The following SPRY3 variants were observed in gnomAD, a reference collection of about 807,000 sequenced individuals.
The protein encoded by SPRY3 is protein sprouty homolog 3.
Under a neutral mutation model 20.2 loss-of-function variants are expected in SPRY3, and 15 were observed. The observed-to-expected ratio is 0.74, with a 90% CI of 0.50 to 1.14. The LOEUF is 1.14. SPRY3 is among the 50% of genes most tolerant of loss of function. The pLI is 0.00. For missense variants in SPRY3, 364 were observed against 363.9 expected (o/e 1.00, Z 0.00); for synonymous variants, 143 against 136.5 (o/e 1.05, Z -0.33).
intron 1 of SPRY3, among the ~76,000 whole-genome samples, chrX:155,621,634 C>T (rs920990896): frequency 8.9e-6 from 1 of 111,739 alleles, no homozygotes; most frequent in Admixed American, 9.5e-5. Context: ...GGCCAAGTTA[C>T]CAAATGATGT....
chrX:155,614,754 CCT>C (rs1188678786), intron 1 of SPRY3, among the ~76,000 whole-genome samples: 1 of 110,783 alleles, frequency 9.0e-6, no homozygotes, highest in Admixed American at 9.6e-5. Context: ...TTTACTGTTT[CCT>C]CTCTCTGTGT....
At position 155,736,159 on chromosome X, in the gene SPRY3, C is replaced by A. The variant is rs1159201860; in HGVS notation, c.-281-31803C>A. On this transcript the variant is annotated intron_variant, in intron 2 of 3. Transcript: ENST00000675360. ...GTCATATATTTCACTTATTCATAAG[C>A]GATATCCAACATATCATTGCTCTTA... Among the ~76,000 whole-genome samples, 3 of 152,046 alleles carry A rather than the reference C, an allele frequency of 2.0e-5. No homozygotes were observed. The South Asian group carries it at 6.2e-4, about 32-fold the overall frequency.
chrX:155,723,019 G>C (rs1231658780), intron 2 of SPRY3, among the ~76,000 whole-genome samples: 1 of 150,950 alleles, frequency 6.6e-6, no homozygotes, highest in African/African-American at 2.4e-5. Flanking sequence ...ACCTATGAGT[G>C]AGAACATGCA....
chrX:155,695,545 C>T (rs958990628), intron 2 of SPRY3, among the ~76,000 whole-genome samples: 4 of 110,726 alleles, frequency 3.6e-5, no homozygotes, highest in African/African-American at 1.3e-4. Context: ...AATTTCTTTA[C>T]ATATTTTTCT....
At chrX:155,741,583 A>T (rs1192870829) in intron 2 of SPRY3, among the ~76,000 whole-genome samples, 3 of 152,060 alleles carry the variant, frequency 2.0e-5, no homozygotes, top group Non-Finnish European at 4.4e-5. Flanking sequence ...TGAGAGAAAA[A>T]ATGTAAAGGA....
intron 2 of SPRY3, among the ~76,000 whole-genome samples, chrX:155,705,792 G>T (rs956876619): frequency 2.0e-5 from 3 of 151,154 alleles, no homozygotes; most frequent in South Asian, 2.1e-4. Context: ...ATGATGAAGG[G>T]ATCAACTCTC....
intron 2 of SPRY3, among the ~76,000 whole-genome samples, chrX:155,659,700 C>A (rs1557353469): frequency 9.0e-6 from 1 of 111,461 alleles, no homozygotes; most frequent in African/African-American, 3.3e-5. Context: ...ACTGATTCAT[C>A]TTCACTACTG....
chrX:155,753,702 A>G (rs886192457), intron 2 of SPRY3, among the ~76,000 whole-genome samples: 7 of 151,912 alleles, frequency 4.6e-5, no homozygotes, highest in African/African-American at 7.2e-5. Flanking sequence ...GAGATTTACA[A>G]TCTCACCAGC....
chrX:155,705,226 C>T (rs2090942093), intron 2 of SPRY3, among the ~76,000 whole-genome samples: 1 of 151,352 alleles, frequency 6.6e-6, no homozygotes, highest in Non-Finnish European at 1.5e-5. Context: ...AACAAAAGCA[C>T]AATGGATGGG....
At chrX:155,767,076 G>T (rs188547420) in intron 2 of SPRY3, among the ~76,000 whole-genome samples, 36 of 152,062 alleles carry the variant, frequency 2.4e-4, no homozygotes, top group African/African-American at 8.7e-4. Flanking sequence ...CCACCCCCAC[G>T]TTCCTTTAAA....
In SPRY3 at chrX:155,704,137, G is replaced by A. The variant is rs1305998073; in HGVS notation, c.-282+47112G>A. ...GAGGCATGTGAAAAGGCAAAAAAAA[G>A]AATCAACACATTCCCAAAGATACAA... On this transcript the variant is annotated intron_variant, in intron 2 of 3. Transcript: ENST00000675360. Among the ~76,000 whole-genome samples, 4 of 151,708 alleles carry A rather than the reference G, an allele frequency of 2.6e-5. No individual in the cohort carries two copies. In the East Asian group the frequency reaches 7.8e-4, roughly 29 times the overall value.
At chrX:155,736,229 A>T (rs5940567) in intron 2 of SPRY3, among the ~76,000 whole-genome samples, 2,343 of 152,088 alleles carry the variant, frequency 0.015, 24 homozygotes, top group Non-Finnish European at 0.026. Context: ...GAAACATAAG[A>T]AAAATAAAAT....
chrX:155,740,608 C>T (rs2091199114), intron 2 of SPRY3, among the ~76,000 whole-genome samples: 1 of 152,082 alleles, frequency 6.6e-6, no homozygotes, highest in South Asian at 2.1e-4. Context: ...GGAAAAACCC[C>T]ACCCTGGTGA....
intron 2 of SPRY3, among the ~76,000 whole-genome samples, chrX:155,693,571 T>G (rs1241794922): frequency 1.8e-5 from 2 of 111,927 alleles, no homozygotes; most frequent in Non-Finnish European, 3.8e-5. Flanking sequence ...TGCTAAAGCA[T>G]AGGTGTTAAA....
chrX:155,773,804 G>C lies in SPRY3; in HGVS notation c.-68G>C, dbSNP rs778456525. 13 of 1,536,646 alleles carry C rather than the reference G, an allele frequency of 8.5e-6. No homozygotes were observed. The East Asian group carries it at 1.4e-4, about 16-fold the overall frequency. ...GCCCTGAAATCCATGTAACTACAAG[G>C]GCTCCTCTTTATCACCATAAGTGCC... On this transcript the variant is annotated 5_prime_UTR_variant, in exon 4 of 4. Transcript: ENST00000675360.
chrX:155,761,594 T>C (rs2091304343), intron 2 of SPRY3, among the ~76,000 whole-genome samples: 1 of 152,196 alleles, frequency 6.6e-6, no homozygotes, highest in South Asian at 2.1e-4. Flanking sequence ...GGTCGAATGG[T>C]AGTTCTATTT....
chrX:155,656,092 G>C (rs782335889), intron 1 of SPRY3, among the ~76,000 whole-genome samples: 6 of 111,086 alleles, frequency 5.4e-5, no homozygotes, highest in Non-Finnish European at 1.1e-4. Flanking sequence ...TGCTCTTCTT[G>C]AGGAATATCT....
chrX:155,752,918 T>A (rs903773978), intron 2 of SPRY3, among the ~76,000 whole-genome samples: 2 of 151,862 alleles, frequency 1.3e-5, no homozygotes, highest in African/African-American at 4.8e-5. Context: ...ATATCCAAAA[T>A]ACATGTAAAA....
chrX:155,767,756 GAGAGGAGGAGGAGGAGAA>G (rs1437814131), intron 2 of SPRY3, 188 bp from the exon 2 acceptor site: 5,007 of 86,916 alleles, frequency 0.058, 354 homozygotes, highest in African/African-American at 0.17. Flanking sequence ...GAGGAGGAGA[GAGAGGAGGAGGAGGAGAA>G]AGAGGAGGAG....
Sources: gnomAD v4.1 joint callset for allele counts (sites outside exome capture counted in the v4.1 genomes callset) on GRCh38, gnomAD v4.1.1 for gene constraint, MANE v1.5 for transcripts, NCBI Gene and HGNC (gene_info 2026-07-23, HGNC 2026-07-21) for gene names.